The following TTC4 variants were observed in gnomAD, a reference collection of about 807,000 sequenced individuals.
TTC4 encodes hsp70/Hsp90 co-chaperone CNS1 homolog.
Under a neutral mutation model 51.9 loss-of-function variants are expected in TTC4, and 36 were observed. The observed-to-expected ratio is 0.69, with a 90% CI of 0.53 to 0.92. The LOEUF is 0.92. TTC4 is among the 40% of genes least tolerant of loss of function. The probability of loss-of-function intolerance (pLI) is 0.00; values close to 1 mark genes in which losing one functional copy is unlikely to be tolerated. For synonymous variants in TTC4, 144 were observed against 164.2 expected (o/e 0.88, Z 0.94); for missense variants, 399 against 454.6 (o/e 0.88, Z 1.11).
At chr1:54,739,930 A>T (rs563801732) in intron 9 of TTC4, among the ~76,000 whole-genome samples, 1 of 152,208 alleles carries the variant, frequency 6.6e-6, no homozygotes, top group Non-Finnish European at 1.5e-5. Context: ...TCATACCTAT[A>T]ATTCCAGCAT....
Position 54,741,806 on chromosome 1 carries a change from G to A in TTC4, c.*293G>A, listed in dbSNP as rs1237931084. 9.1e-6 allele frequency: 4 copies of A among 437,256 alleles called. No individual in the cohort carries two copies. Among genetic ancestry groups the A allele is most frequent in the Non-Finnish European group, 1.7e-5 (4 of 240,068 alleles). The allele number at this position is 437,256 out of a possible 1,614,324, so 27.1% of individuals were successfully genotyped here. ...AGTTACCACAGCAACTGACCTGAGCGGCACCCTGGTCTGTGGAGATGGACT... is the reference window on the plus strand; with the variant it reads ...AGTTACCACAGCAACTGACCTGAGCAGCACCCTGGTCTGTGGAGATGGACT... On this transcript the variant is annotated 3_prime_UTR_variant, in exon 10 of 10. Transcript: ENST00000371281.
At chr1:54,721,386 CAG>C in intron 4 of TTC4, 146 bp downstream of exon 4, 1 of 607,602 alleles carries the variant, frequency 1.6e-6, no homozygotes, top group Middle Eastern at 2.9e-4. Context: ...AAGAATTCCT[CAG>C]AGAGTGACTT....
At chr1:54,729,334 G>C (rs972122731) in intron 6 of TTC4, among the ~76,000 whole-genome samples, 4 of 152,174 alleles carry the variant, frequency 2.6e-5, no homozygotes, top group African/African-American at 9.7e-5. Flanking sequence ...CCGTGGATAA[G>C]GGGACACTAC....
chr1:54,740,603 T>C (rs963184025), intron 9 of TTC4, among the ~76,000 whole-genome samples: 1 of 152,110 alleles, frequency 6.6e-6, no homozygotes. Context: ...CTGTTGGAAG[T>C]TACTACCTTT....
intron 7 of TTC4, among the ~76,000 whole-genome samples, chr1:54,732,886 G>A (rs1205559409): frequency 6.6e-6 from 1 of 151,968 alleles, no homozygotes; most frequent in African/African-American, 2.4e-5. Flanking sequence ...AGGAGTTCAA[G>A]ACCAGCCTGG....
intron 2 of TTC4, among the ~76,000 whole-genome samples, 196 bp downstream of exon 2, chr1:54,716,913 C>A (rs1645683905): frequency 6.6e-6 from 1 of 152,180 alleles, no homozygotes; most frequent in Non-Finnish European, 1.5e-5. Flanking sequence ...CAGTTCCACC[C>A]TCCAAGGTCA....
chr1:54,728,051 G>C lies in TTC4; in HGVS notation c.595-295G>C, dbSNP rs192528041. On this transcript the variant is annotated intron_variant, in intron 5 of 9. Coordinates refer to ENST00000371281, the MANE Select transcript of TTC4 (RefSeq NM_004623.5). ...GCACTCGGATCACACGACCAGAGTA[G>C]TACATAATCCACCTGTTATACTGGC... 1.2e-3 allele frequency among the ~76,000 whole-genome samples: 184 copies of C among 152,320 alleles called. 2 individuals carry two copies. The highest frequency in any genetic ancestry group is 8.5e-4 in the Non-Finnish European group (58 of 68,032).
intron 5 of TTC4, among the ~76,000 whole-genome samples, chr1:54,723,150 G>A (rs1174261830): frequency 6.6e-6 from 1 of 152,166 alleles, no homozygotes; most frequent in Non-Finnish European, 1.5e-5. Flanking sequence ...ACTTACCATT[G>A]TGTTACAGTT....
Position 54,722,935 on chromosome 1 carries a change from A to C in TTC4, c.594+136A>C, listed in dbSNP as rs558548065. The stretch of plus-strand genomic sequence containing the variant: ...AGTCCCTACTCCTGGAACTCTGTGG[A>C]GCACACAGACAAGTAAACAGTTATA... On this transcript the variant is annotated intron_variant, in intron 5 of 9. Coordinates refer to ENST00000371281, the MANE Select transcript of TTC4 (RefSeq NM_004623.5). 2.6e-5 allele frequency: 30 copies of C among 1,161,734 alleles called. No homozygotes were observed. The African/African-American group carries it at 3.9e-4, about 15-fold the overall frequency. The allele number at this position is 1,161,734 out of a possible 1,614,324, so 72.0% of individuals were successfully genotyped here.
chr1:54,739,324 T>A (rs76827667), intron 9 of TTC4, among the ~76,000 whole-genome samples: 95 of 152,296 alleles, frequency 6.2e-4, no homozygotes, highest in African/African-American at 2.1e-3. Flanking sequence ...GATACTGTCA[T>A]ATGAAGAAAG....
intron 5 of TTC4, among the ~76,000 whole-genome samples, chr1:54,727,111 C>A (rs182954764): frequency 2.0e-5 from 3 of 148,234 alleles, no homozygotes; most frequent in African/African-American, 7.4e-5. Flanking sequence ...TCAAAACATA[C>A]GACAGAGCTA....
At chr1:54,730,792 C>CT (rs201613633) in intron 6 of TTC4, among the ~76,000 whole-genome samples, 306 of 137,014 alleles carry the variant, frequency 2.2e-3, no homozygotes, top group Middle Eastern at 3.8e-3. Flanking sequence ...TTTGACATTT[C>CT]TTTTTTTTTT....
intron 2 of TTC4, 36 bp downstream of exon 2, chr1:54,716,753 C>A: frequency 6.5e-7 from 1 of 1,540,314 alleles, no homozygotes; most frequent in South Asian, 1.1e-5. Flanking sequence ...TTTGTGTTTC[C>A]ATTGAACTGA....
intron 8 of TTC4, among the ~76,000 whole-genome samples, chr1:54,733,966 C>A (rs558065378): frequency 6.6e-6 from 1 of 152,292 alleles, no homozygotes; most frequent in Admixed American, 6.5e-5. Context: ...CTAAGTACTT[C>A]ATATAAGTGG....
chr1:54,730,838 G>A (rs543592400), intron 6 of TTC4, among the ~76,000 whole-genome samples: 13 of 146,880 alleles, frequency 8.9e-5, no homozygotes, highest in African/African-American at 3.0e-4. Context: ...CTTGCTGCTC[G>A]TTGGAGTGGA....
rs1434073683 is a variant in TTC4, at chr1:54,733,427, AAAAT to A, written c.897-198_897-195del. 1.9e-4 allele frequency among the ~76,000 whole-genome samples: 28 copies of A among 144,400 alleles called. No homozygotes were observed. The East Asian group carries it at 3.3e-3, about 17-fold the overall frequency. The allele number at this position is 144,400 out of a possible 152,430, so 94.7% of individuals were successfully genotyped here. A position where few individuals can be genotyped will look rare whatever the true frequency, so the allele number is the denominator to read the frequency against. ...GAGCGAGACCCTGTCTCAAAAAAAAAAAATAAAATAAAATAAAATAAAATTATGT... is the reference window on the plus strand; with the variant it reads ...GAGCGAGACCCTGTCTCAAAAAAAAAAAAATAAAATAAAATAAAATTATGT... On this transcript the variant is annotated intron_variant, in intron 7 of 9. Transcript: ENST00000371281.
intron 8 of TTC4, chr1:54,736,885 C>T (rs1382416057): frequency 1.3e-5 from 2 of 152,986 alleles, no homozygotes; most frequent in East Asian, 3.9e-4. Context: ...CCTCATCCTG[C>T]TTGGGCTCTG....
At chr1:54,728,535 TC>T (rs1331974617) in intron 6 of TTC4, 103 bp downstream of exon 6, 2 of 1,177,238 alleles carry the variant, frequency 1.7e-6, no homozygotes, top group East Asian at 5.4e-5. Context: ...AGGAATTTGT[TC>T]ATTTTCTTTC....
chr1:54,720,115 TG>T (rs1263720527), intron 3 of TTC4, among the ~76,000 whole-genome samples: 1 of 152,158 alleles, frequency 6.6e-6, no homozygotes, highest in Non-Finnish European at 1.5e-5. Context: ...TTGCCCAGGC[TG>T]GTCTTGAACT....
Sources: gnomAD v4.1 joint callset for allele counts (sites outside exome capture counted in the v4.1 genomes callset) on GRCh38, gnomAD v4.1.1 for gene constraint, MANE v1.5 for transcripts, NCBI Gene and HGNC (gene_info 2026-07-23, HGNC 2026-07-21) for gene names.